SYDE2: variants seen among roughly 807,000 people sequenced by gnomAD.
SYDE2 encodes the protein synapse defective Rho GTPase homolog 2.
Under a neutral mutation model 91.5 loss-of-function variants are expected in SYDE2, and 76 were observed. That is an observed-to-expected ratio of 0.83 (90% CI 0.69 to 1.01). The LOEUF (loss-of-function observed/expected upper bound fraction) is 1.01, where lower values mean the gene tolerates loss of function less well. Ranked by LOEUF, SYDE2 falls within the 50% of genes least tolerant of loss-of-function variation. SYDE2 has a pLI of 0.00. For synonymous variants in SYDE2, 513 were observed against 506.4 expected (o/e 1.01, Z -0.18); for missense variants, 1,364 against 1,367.7 (o/e 1.00, Z 0.04).
chr1:85,196,526 T>A (rs1658593234), intron 1 of SYDE2, among the ~76,000 whole-genome samples: 1 of 151,924 alleles, frequency 6.6e-6, no homozygotes, highest in Non-Finnish European at 1.5e-5. Context: ...AACACAACAC[T>A]GTTTTCTGCT....
At position 85,183,183 on chromosome 1, in the gene SYDE2, C is replaced by T; in HGVS notation, c.1459G>A (p.Ala487Thr). ...SPFAGSGILAATNSTELGIME... is the reference protein window; with the variant it reads ...SPFAGSGILATTNSTELGIME... ...ATTCCCAATTCAGTACTATTTGTAG[C>T]AGCCAGGATCCCAGAACCTTAAAAG... The change falls in exon 3 of 7, where the codon GCT (alanine) becomes ACT (threonine). Residue 487 changes from alanine to threonine, a missense_variant. Transcript: ENST00000341460. 6.4e-7 allele frequency: 1 copy of T among 1,564,924 alleles called. No individual in the cohort carries two copies. The highest frequency in any genetic ancestry group is 1.2e-5 in the South Asian group (1 of 82,208).
downstream of SYDE2, chr1:85,152,620 C>A (rs1459011816): frequency 6.6e-6 from 1 of 152,148 alleles, no homozygotes; most frequent in Non-Finnish European, 1.5e-5. Flanking sequence ...TACAGTTATT[C>A]ATTGATTAAC....
chr1:85,176,893 T>C (rs1657720900), intron 4 of SYDE2, among the ~76,000 whole-genome samples: 1 of 152,144 alleles, frequency 6.6e-6, no homozygotes, highest in African/African-American at 2.4e-5. Context: ...AAAATTTCAA[T>C]AATTAAAAAA....
chr1:85,162,377 T>A (rs1657094295), intron 6 of SYDE2, among the ~76,000 whole-genome samples: 1 of 152,198 alleles, frequency 6.6e-6, no homozygotes, highest in South Asian at 2.1e-4. Flanking sequence ...TATGTCACCA[T>A]CAACTTTCTC....
chr1:85,167,970 C>G (rs1187348622), intron 5 of SYDE2, among the ~76,000 whole-genome samples: 1 of 151,822 alleles, frequency 6.6e-6, no homozygotes, highest in Non-Finnish European at 1.5e-5. Flanking sequence ...AAAAATAAGT[C>G]GGGCATGGTG....
At chr1:85,176,382 C>T (rs1227581349) in intron 4 of SYDE2, among the ~76,000 whole-genome samples, 1 of 152,038 alleles carries the variant, frequency 6.6e-6, no homozygotes, top group Non-Finnish European at 1.5e-5. Flanking sequence ...TACTAAAATG[C>T]TTGGAATCAA....
At chr1:85,165,416 G>C (rs1431078359) in intron 5 of SYDE2, among the ~76,000 whole-genome samples, 3 of 152,152 alleles carry the variant, frequency 2.0e-5, no homozygotes, top group African/African-American at 4.8e-5. Context: ...ATTAGGGTAA[G>C]AATGTTCATT....
chr1:85,167,971 G>A (rs998831131), intron 5 of SYDE2, among the ~76,000 whole-genome samples: 12 of 151,982 alleles, frequency 7.9e-5, no homozygotes, highest in Non-Finnish European at 1.5e-4. Context: ...AAAATAAGTC[G>A]GGCATGGTGG....
chr1:85,164,699 T>C lies in SYDE2; in HGVS notation c.2912A>G (p.Asn971Ser), dbSNP rs760204635. 5.9e-6 allele frequency: 9 copies of C among 1,520,544 alleles called. No individual in the cohort carries two copies. The highest frequency in any genetic ancestry group is 7.9e-6 in the Non-Finnish European group (9 of 1,134,928). The allele number at this position is 1,520,544 out of a possible 1,614,324, so 94.2% of individuals were successfully genotyped here. ...LKLVASYHEVNKMTCQNLAVC... is the reference protein window; with the variant it reads ...LKLVASYHEVSKMTCQNLAVC... ...AGCCAAATTCTGGCACGTCATCTTA[T>C]TCACTTCATGATAGGAAGCCACCAA... The change falls in exon 6 of 7, where the codon AAT becomes AGT. Residue 971 changes from asparagine (N) to serine (S), a missense_variant. Physicochemically the swap from Asn to Ser is conservative, Grantham distance 46. Transcript: ENST00000341460.
intron 1 of SYDE2, among the ~76,000 whole-genome samples, chr1:85,199,559 A>G (rs1024650593): frequency 5.9e-5 from 9 of 152,116 alleles, no homozygotes; most frequent in African/African-American, 1.9e-4. Flanking sequence ...CCTGAGGAAC[A>G]TTTTTCTTTT....
chr1:85,159,135 G>GT lies in SYDE2; in HGVS notation c.3199dup (p.Thr1067AsnfsTer2), dbSNP rs759038733. The GT allele has an allele frequency of 1.3e-5, 10 of 780,854 alleles. No homozygotes were observed. The Admixed American group carries it at 1.7e-4, about 13-fold the overall frequency. 48.4% of individuals were successfully genotyped at this position (780,854 alleles called of 1,614,324 possible). A position where few individuals can be genotyped will look rare whatever the true frequency, so the allele number is the denominator to read the frequency against. On this transcript the variant is annotated frameshift_variant, in exon 7 of 7. Coordinates refer to ENST00000341460, the MANE Select transcript of SYDE2 (RefSeq NM_032184.2). LOFTEE classifies it high-confidence loss of function. ...TGGCCTAAGTACTCCTGATGAATCA[G>GT]TACCACTCAAATTTAACATATGAGG...
At chr1:85,189,125 G>A (rs1658262880) in intron 2 of SYDE2, among the ~76,000 whole-genome samples, 1 of 152,130 alleles carries the variant, frequency 6.6e-6, no homozygotes, top group Non-Finnish European at 1.5e-5. Context: ...AATTTCAAAT[G>A]GGTCAACCTA....
Position 85,200,852 on chromosome 1 carries a change from G to A in SYDE2, c.145C>T (p.Arg49Trp), listed in dbSNP as rs1658804991. Reference sequence around the variant, plus strand: ...TGCCGAGGGCGTCCGCCGCCTCCCCGCTCCCCGTCCCGGGGGCAGGCTCGG... The same window carrying A: ...TGCCGAGGGCGTCCGCCGCCTCCCCACTCCCCGTCCCGGGGGCAGGCTCGG... ...YRRACPRDGE[R>W]GGGGRPRQQV... The change falls in exon 1 of 7, where the codon CGG (arginine) becomes TGG (tryptophan). Residue 49 changes from arginine to tryptophan, a missense_variant. By Grantham distance (101) the Arg-to-Trp change is moderately radical. Transcript: ENST00000341460. 5 of 1,376,006 alleles carry A rather than the reference G, an allele frequency of 3.6e-6. No homozygotes were observed. The highest frequency in any genetic ancestry group is 1.7e-5 in the South Asian group (1 of 58,842). The allele number at this position is 1,376,006 out of a possible 1,614,324, so 85.2% of individuals were successfully genotyped here. A position where few individuals can be genotyped will look rare whatever the true frequency, so the allele number is the denominator to read the frequency against.
chr1:85,154,796 G>T (rs950290427), downstream of SYDE2, among the ~76,000 whole-genome samples: 1 of 151,894 alleles, frequency 6.6e-6, no homozygotes, highest in Non-Finnish European at 1.5e-5. Flanking sequence ...ATGCTTGAAG[G>T]TAATAGTGAA....
chr1:85,178,117 G>A lies in SYDE2; in HGVS notation c.2671+29C>T, dbSNP rs372464749. The A allele has an allele frequency of 4.0e-6, 6 of 1,510,564 alleles. No homozygotes were observed. In the African/African-American group the frequency reaches 8.4e-5, roughly 21 times the overall value. The allele number at this position is 1,510,564 out of a possible 1,614,324, so 93.6% of individuals were successfully genotyped here. A position where few individuals can be genotyped will look rare whatever the true frequency, so the allele number is the denominator to read the frequency against. ...CTTGCAGATGTAGTCTTTCCAGAAA[G>A]AGTACATAAAATAAAATCTATTTAT... is the stretch of plus-strand genomic sequence containing the variant. On this transcript the variant is annotated intron_variant, in intron 4 of 6. Transcript: ENST00000341460.
intron 2 of SYDE2, among the ~76,000 whole-genome samples, chr1:85,188,464 A>G (rs1348242184): frequency 6.6e-6 from 1 of 152,134 alleles, no homozygotes; most frequent in Non-Finnish European, 1.5e-5. Flanking sequence ...CTTAATATAC[A>G]TTTACTCCAC....
intron 1 of SYDE2, among the ~76,000 whole-genome samples, 200 bp from the exon 2 acceptor site, chr1:85,190,952 A>T (rs1283421313): frequency 2.6e-5 from 4 of 152,194 alleles, no homozygotes; most frequent in Admixed American, 1.3e-4. Flanking sequence ...AACTGCTAGT[A>T]CAAGTGTCAA....
chr1:85,165,145 A>G (rs1173859392), intron 5 of SYDE2, among the ~76,000 whole-genome samples: 1 of 152,160 alleles, frequency 6.6e-6, no homozygotes, highest in Non-Finnish European at 1.5e-5. Context: ...GAGATGGGAG[A>G]ATCGCTGGAA....
chr1:85,161,174 A>G (rs1475232364), intron 6 of SYDE2: 2 of 890,586 alleles, frequency 2.2e-6, no homozygotes, highest in Non-Finnish European at 2.7e-6. Flanking sequence ...TTCAAAATGT[A>G]ATAAGTACTA....
Sources: allele counts gnomAD v4.1 joint callset (sites outside exome capture counted in the v4.1 genomes callset), GRCh38; gene constraint gnomAD v4.1.1; transcripts MANE v1.5; gene names NCBI Gene and HGNC (gene_info 2026-07-23, HGNC 2026-07-21).